The following RBFOX1 variants were observed in gnomAD, a reference collection of about 807,000 sequenced individuals.
The protein encoded by RBFOX1 is RNA binding protein fox-1 homolog 1.
In RBFOX1, 8 loss-of-function variants were observed where a neutral mutation model predicts 57.7. The observed-to-expected ratio is 0.14, with a 90% CI of 0.08 to 0.25. The LOEUF is 0.25. RBFOX1 is among the 10% of genes least tolerant of loss of function. The pLI is 1.00. For missense variants in RBFOX1, 611 were observed against 548.5 expected, an observed-to-expected ratio of 1.11 and a Z score of -1.14; for synonymous variants, 326 against 222.4, an observed-to-expected ratio of 1.47 and a Z score of -4.15.
chr16:6,866,801 C>G (rs546345914), intron 3 of RBFOX1, among the ~76,000 whole-genome samples: 47 of 151,998 alleles, frequency 3.1e-4, no homozygotes, highest in African/African-American at 1.1e-3. Flanking sequence ...CTTGGCCTCC[C>G]AAACTGCTGG....
At chr16:5,245,612 T>C (rs2062278763) in intron 1 of RBFOX1, among the ~76,000 whole-genome samples, 1 of 152,196 alleles carries the variant, frequency 6.6e-6, no homozygotes, top group South Asian at 2.1e-4. Flanking sequence ...GCCTGACTTT[T>C]GTATTTTTAG....
At chr16:5,470,295 G>A (rs78502441) in intron 2 of RBFOX1, among the ~76,000 whole-genome samples, 2,436 of 152,278 alleles carry the variant, frequency 0.016, 104 homozygotes, top group East Asian at 0.12. Flanking sequence ...ATCGAGGGAA[G>A]GGGAGACAGG....
At chr16:5,673,832 A>G (rs970565682) in intron 3 of RBFOX1, among the ~76,000 whole-genome samples, 2 of 152,212 alleles carry the variant, frequency 1.3e-5, no homozygotes, top group Admixed American at 6.5e-5. Context: ...GATGTTGTCT[A>G]AGACTCATTA....
At chr16:6,735,242 G>A (rs1349444042) in intron 3 of RBFOX1, among the ~76,000 whole-genome samples, 1 of 152,120 alleles carries the variant, frequency 6.6e-6, no homozygotes, top group Non-Finnish European at 1.5e-5. Context: ...AATAGAAAGG[G>A]TATGGTTTGG....
intron 1 of RBFOX1, among the ~76,000 whole-genome samples, chr16:6,252,217 C>T (rs1430768113): frequency 2.0e-5 from 3 of 151,992 alleles, no homozygotes; most frequent in Non-Finnish European, 4.4e-5. Context: ...GGCAGAGAGC[C>T]CTTCTGCCAT....
chr16:6,648,736 G>A lies in RBFOX1; in HGVS notation c.-63-5867G>A, dbSNP rs2098553412. Among the ~76,000 whole-genome samples the A allele has an allele frequency of 2.6e-5, 4 of 152,302 alleles. No individual in the cohort carries two copies. In the South Asian group the frequency reaches 8.3e-4, roughly 32 times the overall value. Reference sequence around the variant, plus strand: ...ATGCATCACCTGGTCAGAACAGGCAGAAGCAGACAGAGAGCTGCTTTTTCT... The same window carrying A: ...ATGCATCACCTGGTCAGAACAGGCAAAAGCAGACAGAGAGCTGCTTTTTCT... On this transcript the variant is annotated intron_variant, in intron 2 of 15. Coordinates refer to ENST00000550418, the MANE Select transcript of RBFOX1 (RefSeq NM_018723.4).
At chr16:6,165,433 A>G (rs1349748578) in intron 1 of RBFOX1, among the ~76,000 whole-genome samples, 1 of 152,208 alleles carries the variant, frequency 6.6e-6, no homozygotes, top group Non-Finnish European at 1.5e-5. Flanking sequence ...ATAAAAACCA[A>G]AAAGAAAGCA....
chr16:6,170,496 A>G (rs1214548224), intron 1 of RBFOX1, among the ~76,000 whole-genome samples: 1 of 152,214 alleles, frequency 6.6e-6, no homozygotes, highest in African/African-American at 2.4e-5. Context: ...GTGTGAAATG[A>G]GCATTTGTTG....
intron 14 of RBFOX1, among the ~76,000 whole-genome samples, chr16:7,690,599 C>G (rs1048474793): frequency 4.6e-5 from 7 of 152,088 alleles, no homozygotes; most frequent in African/African-American, 1.4e-4. Context: ...GAGACAGACC[C>G]TGGTACCAGC....
chr16:6,550,522 C>G (rs187811234), intron 2 of RBFOX1, among the ~76,000 whole-genome samples: 2 of 152,208 alleles, frequency 1.3e-5, no homozygotes, highest in Admixed American at 1.3e-4. Flanking sequence ...GACGGGGTTT[C>G]ATGATGTTGA....
chr16:6,361,839 G>A (rs2088604708), intron 2 of RBFOX1, among the ~76,000 whole-genome samples: 1 of 152,102 alleles, frequency 6.6e-6, no homozygotes. Context: ...AGGAGTGCTA[G>A]GGAAGGAAAA....
At chr16:6,821,979 G>C (rs182169345) in intron 3 of RBFOX1, among the ~76,000 whole-genome samples, 15 of 152,230 alleles carry the variant, frequency 9.9e-5, no homozygotes, top group Admixed American at 9.2e-4. Context: ...TTTGGGGATG[G>C]ATGATACTTC....
intron 5 of RBFOX1, among the ~76,000 whole-genome samples, chr16:7,567,579 C>A (rs536591303): frequency 2.2e-5 from 2 of 92,454 alleles, no homozygotes; most frequent in African/African-American, 7.1e-5. Flanking sequence ...ATATATATAT[C>A]CCTATATATG....
At chr16:6,323,622 G>A (rs2152793118) in intron 2 of RBFOX1, among the ~76,000 whole-genome samples, 1 of 152,316 alleles carries the variant, frequency 6.6e-6, no homozygotes, top group African/African-American at 2.4e-5. Context: ...ATCAGTCTTT[G>A]AAAGATTAAG....
intron 3 of RBFOX1, among the ~76,000 whole-genome samples, chr16:5,629,443 T>G (rs1239854073): frequency 6.6e-6 from 1 of 152,202 alleles, no homozygotes; most frequent in African/African-American, 2.4e-5. Flanking sequence ...GCTACCAGTT[T>G]GTAGGGGACC....
At chr16:7,158,636 T>C (rs1352033352) in intron 4 of RBFOX1, among the ~76,000 whole-genome samples, 1 of 151,970 alleles carries the variant, frequency 6.6e-6, no homozygotes, top group African/African-American at 2.4e-5. Flanking sequence ...TGCATGTGTG[T>C]GTTTTGTGGT....
chr16:6,756,825 A>G (rs1362869759), intron 3 of RBFOX1, among the ~76,000 whole-genome samples: 2 of 152,008 alleles, frequency 1.3e-5, no homozygotes, highest in African/African-American at 2.4e-5. Flanking sequence ...TACAACAAAA[A>G]TTAGCCAGGC....
intron 3 of RBFOX1, among the ~76,000 whole-genome samples, chr16:6,865,954 C>T (rs996710065): frequency 7.3e-5 from 11 of 151,522 alleles, no homozygotes; most frequent in African/African-American, 2.7e-4. Context: ...ACAGTAATGT[C>T]TAAATCACAT....
intron 1 of RBFOX1, among the ~76,000 whole-genome samples, chr16:5,428,716 G>T (rs1280898133): frequency 6.6e-6 from 1 of 152,120 alleles, no homozygotes; most frequent in African/African-American, 2.4e-5. Flanking sequence ...TAGACAGATG[G>T]TACATTACAT....
Sources: allele counts gnomAD v4.1 joint callset (sites outside exome capture counted in the v4.1 genomes callset), GRCh38; gene constraint gnomAD v4.1.1; transcripts MANE v1.5; gene names NCBI Gene and HGNC (gene_info 2026-07-23, HGNC 2026-07-21).